The following HDAC2 variants were observed in gnomAD, a reference collection of about 807,000 sequenced individuals.
HDAC2 encodes histone deacetylase 2, also known as YY1-associated factor 1.
HDAC2 carries 5 observed loss-of-function variants against 68.5 expected under a neutral mutation model. That is an observed-to-expected ratio of 0.07 (90% CI 0.04 to 0.15). The LOEUF (loss-of-function observed/expected upper bound fraction) is 0.15. Ranked by LOEUF, HDAC2 falls within the 10% of genes least tolerant of loss-of-function variation. The probability of loss-of-function intolerance (pLI) is 1.00; values close to 1 mark genes in which losing one functional copy is unlikely to be tolerated. For synonymous variants in HDAC2, 182 were observed against 191.3 expected (o/e 0.95, Z 0.40); for missense variants, 291 against 600.8 (o/e 0.48, Z 5.39).
intron 9 of HDAC2, among the ~76,000 whole-genome samples, chr6:113,945,686 G>C (rs970115310): frequency 6.6e-6 from 1 of 152,156 alleles, no homozygotes; most frequent in African/African-American, 2.4e-5. Context: ...TCAATGGCTT[G>C]ACTTACAGTT....
At chr6:113,952,881 A>G (rs1194238590) in intron 6 of HDAC2, among the ~76,000 whole-genome samples, 1 of 152,218 alleles carries the variant, frequency 6.6e-6, no homozygotes, top group African/African-American at 2.4e-5. Flanking sequence ...AAAAATCAAG[A>G]CCAATCACAA....
At position 113,940,393 on chromosome 6, in the gene HDAC2, C is replaced by G. The variant is rs1358161425; in HGVS notation, c.*665G>C. On this transcript the variant is annotated 3_prime_UTR_variant, in exon 14 of 14. Coordinates refer to ENST00000519065, the MANE Select transcript of HDAC2 (RefSeq NM_001527.4). ...GTTTCTTCTTTCAATTCAGAATTTC[C>G]ATTTCAATTTTGAGAATCTTTGGGT... The G allele has an allele frequency of 1.3e-5, 2 of 152,134 alleles. No homozygotes were observed. Among genetic ancestry groups the G allele is most frequent in the Non-Finnish European group, 2.9e-5 (2 of 68,012 alleles). 9.4% of individuals were successfully genotyped at this position (152,134 alleles called of 1,614,324 possible). A position where few individuals can be genotyped will look rare whatever the true frequency, so the allele number is the denominator to read the frequency against.
intron 1 of HDAC2, among the ~76,000 whole-genome samples, chr6:113,966,560 A>G (rs1391380042): frequency 1.3e-5 from 2 of 151,744 alleles, no homozygotes. Context: ...CCATCTCAAA[A>G]AAAAAAAAAA....
chr6:113,962,110 A>G (rs1458847321), intron 1 of HDAC2, among the ~76,000 whole-genome samples: 1 of 152,198 alleles, frequency 6.6e-6, no homozygotes, highest in African/African-American at 2.4e-5. Flanking sequence ...GCAGTAATTA[A>G]CACTTGTTGA....
At chr6:113,953,059 A>G (rs1378643373) in intron 6 of HDAC2, among the ~76,000 whole-genome samples, 1 of 152,238 alleles carries the variant, frequency 6.6e-6, no homozygotes, top group Admixed American at 6.5e-5. Flanking sequence ...TCAACCAAAG[A>G]AAACAGCTGA....
In HDAC2 at chr6:113,933,745, TTC is replaced by T. The variant is rs1449233066; in HGVS notation, c.*7311_*7312del. ...AATGGTGGCTGCTCCTTGTCTGACA[TTC>T]TTTGTGTGTGTGTATGTATATTATA... On this transcript the variant is annotated 3_prime_UTR_variant, in exon 14 of 14. Transcript: ENST00000519065. 1.3e-5 allele frequency: 2 copies of T among 150,082 alleles called. No individual in the cohort carries two copies. Among genetic ancestry groups the T allele is most frequent in the Non-Finnish European group, 3.0e-5 (2 of 67,152 alleles). 9.3% of individuals were successfully genotyped at this position (150,082 alleles called of 1,614,324 possible). A position where few individuals can be genotyped will look rare whatever the true frequency, so the allele number is the denominator to read the frequency against.
chr6:113,962,777 C>T (rs1032748346), intron 1 of HDAC2, among the ~76,000 whole-genome samples: 2 of 151,594 alleles, frequency 1.3e-5, no homozygotes, highest in South Asian at 2.1e-4. Context: ...TCCTGACAAA[C>T]ATTGTGAAAC....
intron 3 of HDAC2, among the ~76,000 whole-genome samples, chr6:113,957,776 C>T (rs767641507): frequency 5.0e-4 from 76 of 152,110 alleles, no homozygotes; most frequent in Non-Finnish European, 9.6e-4. Context: ...GCGTGAGCCA[C>T]CACACCTGGC....
At chr6:113,951,140 T>C (rs1225926826) in intron 6 of HDAC2, among the ~76,000 whole-genome samples, 1 of 152,232 alleles carries the variant, frequency 6.6e-6, no homozygotes, top group Non-Finnish European at 1.5e-5. Flanking sequence ...CTGCTGCCCT[T>C]GTTAGACATA....
At chr6:113,969,718 T>C (rs1400347789) in intron 1 of HDAC2, 2 of 152,248 alleles carry the variant, frequency 1.3e-5, no homozygotes, top group African/African-American at 4.8e-5. Context: ...TTACTGCTCA[T>C]ACTCCAAATT....
chr6:113,957,767 C>T (rs546415082), intron 3 of HDAC2, among the ~76,000 whole-genome samples: 24 of 152,198 alleles, frequency 1.6e-4, no homozygotes, highest in Middle Eastern at 3.4e-3. Context: ...GGATTACAGG[C>T]GTGAGCCACC....
intron 1 of HDAC2, among the ~76,000 whole-genome samples, chr6:113,965,981 G>A (rs1484578194): frequency 6.6e-6 from 1 of 151,292 alleles, no homozygotes; most frequent in Non-Finnish European, 1.5e-5. Context: ...AGCATTTAAA[G>A]TTTTTGTTAA....
At chr6:113,959,329 CATTA>C (rs1301284332) in intron 2 of HDAC2, among the ~76,000 whole-genome samples, 2 of 152,006 alleles carry the variant, frequency 1.3e-5, no homozygotes, top group East Asian at 1.9e-4. Context: ...TATTGCCTAG[CATTA>C]ATTGTTTTAA....
chr6:113,959,663 T>C (rs1243541035), intron 2 of HDAC2: 1 of 265,670 alleles, frequency 3.8e-6, no homozygotes, highest in African/African-American at 2.3e-5. Context: ...TGAGTTGTTC[T>C]CCAGAACCAT....
intron 1 of HDAC2, chr6:113,969,666 T>C (rs1776927455): frequency 6.6e-6 from 1 of 152,238 alleles, no homozygotes. Context: ...TACTACTCCA[T>C]TGAGCAAGAA....
At chr6:113,960,673 A>C (rs1349031881) in intron 1 of HDAC2, among the ~76,000 whole-genome samples, 2 of 152,096 alleles carry the variant, frequency 1.3e-5, no homozygotes, top group Non-Finnish European at 2.9e-5. Flanking sequence ...AAACTTATGC[A>C]TAAGATTTAA....
chr6:113,945,528 A>G, intron 9 of HDAC2, 58 bp from the exon 10 acceptor site: 1 of 838,954 alleles, frequency 1.2e-6, no homozygotes. Flanking sequence ...ACAAAAAACC[A>G]TGCACAGAAT....
chr6:113,967,568 T>C (rs1486024765), intron 1 of HDAC2, among the ~76,000 whole-genome samples: 2 of 152,366 alleles, frequency 1.3e-5, no homozygotes, highest in East Asian at 1.9e-4. Context: ...AATTTGTGTA[T>C]AGTTACATAA....
At chr6:113,947,642 GA>G (rs1253282744) in intron 8 of HDAC2, 2 of 152,102 alleles carry the variant, frequency 1.3e-5, no homozygotes, top group African/African-American at 4.8e-5. Flanking sequence ...GATCATTTTA[GA>G]AAGTTTATAA....
Sources: allele counts gnomAD v4.1 joint callset (sites outside exome capture counted in the v4.1 genomes callset), GRCh38; gene constraint gnomAD v4.1.1; transcripts MANE v1.5; gene names NCBI Gene and HGNC (gene_info 2026-07-23, HGNC 2026-07-21).